SLC13A1: variants seen among roughly 807,000 people sequenced by gnomAD.
The protein encoded by SLC13A1 is Na(+)/sulfate cotransporter.
A neutral mutation model predicts 70.0 loss-of-function variants in SLC13A1; 65 were observed. The ratio of observed to expected loss-of-function variants is 0.93; its 90% CI spans 0.76 to 1.14. The LOEUF is 1.14. Among genes scored for constraint, SLC13A1 ranks in the 50% most tolerant of loss-of-function variants. The probability of loss-of-function intolerance (pLI) is 0.00; values close to 1 mark genes in which losing one functional copy is unlikely to be tolerated. For synonymous variants in SLC13A1, 275 were observed against 250.5 expected (o/e 1.10, Z -0.92); for missense variants, 726 against 717.8 (o/e 1.01, Z -0.13).
intron 12 of SLC13A1, 75 bp downstream of exon 12, chr7:123,123,051 A>T: frequency 8.3e-7 from 1 of 1,198,552 alleles, no homozygotes; most frequent in Admixed American, 1.7e-5. Context: ...GAATATGCCC[A>T]AAGATTGAAT....
At chr7:123,130,013 C>T (rs1369853410) in intron 8 of SLC13A1, among the ~76,000 whole-genome samples, 1 of 152,076 alleles carries the variant, frequency 6.6e-6, no homozygotes, top group African/African-American at 2.4e-5. Flanking sequence ...ACAGTAAATA[C>T]CTGACACATC....
chr7:123,191,650 A>C (rs904340979), intron 1 of SLC13A1, among the ~76,000 whole-genome samples: 1 of 152,204 alleles, frequency 6.6e-6, no homozygotes, highest in Non-Finnish European at 1.5e-5. Flanking sequence ...AGGATGGGCA[A>C]GTAATACTCA....
At position 123,115,382 on chromosome 7, in the gene SLC13A1, G is replaced by T; in HGVS notation, c.*136C>A. 3.7e-6 allele frequency: 3 copies of T among 817,470 alleles called. No individual in the cohort carries two copies. Among genetic ancestry groups the T allele is most frequent in the East Asian group, 2.6e-5 (1 of 37,762 alleles). 50.6% of individuals were successfully genotyped at this position (817,470 alleles called of 1,614,324 possible). A position where few individuals can be genotyped will look rare whatever the true frequency, so the allele number is the denominator to read the frequency against. On this transcript the variant is annotated 3_prime_UTR_variant, in exon 15 of 15. Transcript: ENST00000194130. Reference sequence around the variant, plus strand: ...CTCTGAGTTATAACAGCAGGTTTCGGGTATTCACAGGAATTGCAGCAGCTA... The same window carrying T: ...CTCTGAGTTATAACAGCAGGTTTCGTGTATTCACAGGAATTGCAGCAGCTA...
chr7:123,128,821 A>G, intron 10 of SLC13A1, 24 bp downstream of exon 10: 1 of 1,518,926 alleles, frequency 6.6e-7, no homozygotes, highest in East Asian at 2.3e-5. Context: ...GGAAGGGCTG[A>G]CAAACATAAC....
At chr7:123,179,238 T>C (rs1186223005) in intron 2 of SLC13A1, among the ~76,000 whole-genome samples, 1 of 152,142 alleles carries the variant, frequency 6.6e-6, no homozygotes, top group African/African-American at 2.4e-5. Flanking sequence ...AATGAGTCAG[T>C]GATTGAGTTT....
chr7:123,166,076 T>C (rs920532942), intron 6 of SLC13A1, among the ~76,000 whole-genome samples: 1 of 152,034 alleles, frequency 6.6e-6, no homozygotes, highest in Non-Finnish European at 1.5e-5. Flanking sequence ...AACTAGTTGC[T>C]CCTGCTTCTA....
intron 6 of SLC13A1, among the ~76,000 whole-genome samples, chr7:123,166,406 T>A (rs1320567773): frequency 6.7e-6 from 1 of 148,544 alleles, no homozygotes; most frequent in Non-Finnish European, 1.5e-5. Context: ...TATTTTTTTT[T>A]ATTATACTTT....
chr7:123,181,723 C>T lies in SLC13A1; in HGVS notation c.100-622G>A, dbSNP rs146577495. Among the ~76,000 whole-genome samples, 16 of 152,160 alleles carry T rather than the reference C, an allele frequency of 1.1e-4. No individual in the cohort carries two copies. The East Asian group carries it at 3.1e-3, about 29-fold the overall frequency. Reference sequence around the variant, plus strand: ...AAAACTATAGGTTCATGTTTTAGGGCATTGTTAAGAGATGGTCAAAATTTA... The same window carrying T: ...AAAACTATAGGTTCATGTTTTAGGGTATTGTTAAGAGATGGTCAAAATTTA... On this transcript the variant is annotated intron_variant, in intron 1 of 14. Coordinates refer to ENST00000194130, the MANE Select transcript of SLC13A1 (RefSeq NM_022444.4).
intron 6 of SLC13A1, among the ~76,000 whole-genome samples, chr7:123,161,777 A>G (rs1424602087): frequency 6.6e-6 from 1 of 152,174 alleles, no homozygotes; most frequent in Non-Finnish European, 1.5e-5. Flanking sequence ...AGAAAACAAG[A>G]GAATGATTAA....
chr7:123,173,845 G>A (rs1354179941), intron 2 of SLC13A1, among the ~76,000 whole-genome samples: 2 of 151,980 alleles, frequency 1.3e-5, no homozygotes, highest in Non-Finnish European at 2.9e-5. Context: ...TGGTCTCTGA[G>A]CTCTTATATC....
In SLC13A1 at chr7:123,168,435, T is replaced by G. The variant is rs773732391; in HGVS notation, c.612-13A>C. On this transcript the variant is annotated splice_polypyrimidine_tract_variant and intron_variant, in intron 5 of 14. Transcript: ENST00000194130. ...ATCATTATTGTATCTGAAAAATACATTGATCCAGTTATAATTTTATTAAAA... is the reference window on the plus strand; with the variant it reads ...ATCATTATTGTATCTGAAAAATACAGTGATCCAGTTATAATTTTATTAAAA... 6.3e-7 allele frequency: 1 copy of G among 1,591,336 alleles called. No homozygotes were observed. The highest frequency in any genetic ancestry group is 1.1e-5 in the South Asian group (1 of 88,778).
Position 123,115,639 on chromosome 7 carries a change from C to T in SLC13A1, c.1667G>A (p.Gly556Asp), listed in dbSNP as rs111304300. The part of the protein sequence containing the change: ...KVIDMVKAGL[G>D]VNIVGVAVVM... The stretch of plus-strand genomic sequence containing the variant: ...CACAGCAACACCAACAATGTTGACA[C>T]CAAGTCCAGCTTTAACCTTGAACAG... The change falls in exon 15 of 15, where the codon GGT becomes GAT. Residue 556 changes from glycine to aspartate, a missense_variant. Transcript: ENST00000194130. The T allele has an allele frequency of 6.2e-7, 1 of 1,613,746 alleles. No individual in the cohort carries two copies. Among genetic ancestry groups the T allele is most frequent in the Non-Finnish European group, 8.5e-7 (1 of 1,179,718 alleles).
intron 7 of SLC13A1, among the ~76,000 whole-genome samples, chr7:123,138,329 TG>T (rs1051619933): frequency 1.3e-5 from 2 of 152,204 alleles, no homozygotes; most frequent in African/African-American, 4.8e-5. Flanking sequence ...GCACTTAGGT[TG>T]CATCCAAATC....
At chr7:123,128,182 T>C (rs1222471916) in intron 10 of SLC13A1, among the ~76,000 whole-genome samples, 2 of 152,030 alleles carry the variant, frequency 1.3e-5, no homozygotes, top group Non-Finnish European at 2.9e-5. Flanking sequence ...TGGGCTGAAC[T>C]TGTAGTGAAC....
rs1484173259 is a variant in SLC13A1 at position 123,123,221 on chromosome 7, A to G, written c.1255T>C (p.Ser419Pro). The G allele has an allele frequency of 8.1e-6, 13 of 1,611,852 alleles. No homozygotes were observed. Among genetic ancestry groups the G allele is most frequent in the Non-Finnish European group, 1.1e-5 (13 of 1,178,210 alleles). The change falls in exon 12 of 15, where the codon TCT becomes CCT. Residue 419 changes from serine (S) to proline (P), a missense_variant. Transcript: ENST00000194130. ...AATTCTTTCCAAGTAATCAGTGGAG[A>G]GTAATCAAAAGCAACTGCAAAACAA... Reference protein sequence around the residue: ...PTGEIVAFDYSPLITWKEFQS... With the variant: ...PTGEIVAFDYPPLITWKEFQS...
intron 3 of SLC13A1, among the ~76,000 whole-genome samples, chr7:123,170,882 A>G (rs1795248057): frequency 6.6e-6 from 1 of 151,734 alleles, no homozygotes; most frequent in Non-Finnish European, 1.5e-5. Context: ...CCCGGCCGAG[A>G]TAATGTCTTA....
intron 1 of SLC13A1, among the ~76,000 whole-genome samples, chr7:123,199,203 T>C (rs769903205): frequency 6.6e-6 from 1 of 152,144 alleles, no homozygotes; most frequent in Non-Finnish European, 1.5e-5. Context: ...CTTATTGTTC[T>C]GGACTTAATG....
chr7:123,130,093 C>T (rs2116318802), intron 8 of SLC13A1, among the ~76,000 whole-genome samples: 1 of 152,200 alleles, frequency 6.6e-6, no homozygotes, highest in South Asian at 2.1e-4. Flanking sequence ...ACAAAGTATG[C>T]TAAACTCGAG....
At chr7:123,150,174 T>C (rs1362181642) in intron 6 of SLC13A1, among the ~76,000 whole-genome samples, 5 of 152,140 alleles carry the variant, frequency 3.3e-5, no homozygotes, top group Non-Finnish European at 5.9e-5. Flanking sequence ...CACAAGGAAA[T>C]ATAAAACCTT....
Sources: gnomAD v4.1 joint callset for allele counts (sites outside exome capture counted in the v4.1 genomes callset) on GRCh38, gnomAD v4.1.1 for gene constraint, MANE v1.5 for transcripts, NCBI Gene and HGNC (gene_info 2026-07-23, HGNC 2026-07-21) for gene names.